The following ERO1B variants were observed in gnomAD, a reference collection of about 807,000 sequenced individuals.
The protein encoded by ERO1B is endoplasmic reticulum oxidoreductase 1 beta.
A neutral mutation model predicts 75.3 loss-of-function variants in ERO1B; 49 were observed. That is an observed-to-expected ratio of 0.65 (90% CI 0.52 to 0.83). ERO1B has a LOEUF of 0.83. Ranked by LOEUF, ERO1B falls within the 40% of genes least tolerant of loss-of-function variation. The pLI, the probability that ERO1B is intolerant of heterozygous loss-of-function variation, is 0.00. For synonymous variants in ERO1B, 191 were observed against 192.9 expected (o/e 0.99, Z 0.08); for missense variants, 512 against 560.1 (o/e 0.91, Z 0.87).
intron 5 of ERO1B, among the ~76,000 whole-genome samples, chr1:236,248,623 T>G (rs974292310): frequency 6.6e-6 from 1 of 151,980 alleles, no homozygotes; most frequent in Admixed American, 6.6e-5. Flanking sequence ...AAATGTACAA[T>G]GAAAAATGTA....
chr1:236,262,471 C>T (rs1665314422), intron 2 of ERO1B, among the ~76,000 whole-genome samples: 1 of 152,156 alleles, frequency 6.6e-6, no homozygotes, highest in Non-Finnish European at 1.5e-5. Context: ...GATGCAACCT[C>T]AGTTCACCAC....
At position 236,226,257 on chromosome 1, in the gene ERO1B, G is replaced by C. The variant is rs781305200; in HGVS notation, c.1052+12C>G. On this transcript the variant is annotated intron_variant, in intron 12 of 15. Coordinates refer to ENST00000354619, the MANE Select transcript of ERO1B (RefSeq NM_019891.4). Reference sequence around the variant, plus strand: ...AGAGGAGAATTTCAAATCACGGATAGTCAATTCTTACTTTGTATCTTGAAA... The same window carrying C: ...AGAGGAGAATTTCAAATCACGGATACTCAATTCTTACTTTGTATCTTGAAA... 1 of 1,611,884 alleles carries C rather than the reference G, an allele frequency of 6.2e-7. No individual in the cohort carries two copies. Among genetic ancestry groups the C allele is most frequent in the Admixed American group, 1.7e-5 (1 of 59,680 alleles).
At position 236,217,075 on chromosome 1, in the gene ERO1B, G is replaced by A. The variant is rs1287374975; in HGVS notation, c.*1441C>T. On this transcript the variant is annotated 3_prime_UTR_variant, in exon 16 of 16. Coordinates refer to ENST00000354619, the MANE Select transcript of ERO1B (RefSeq NM_019891.4). ...AGAGATGGCTAAGTATTTTTAAGAGGGGTGAGCCAAGCCAACTAAATACAA... is the reference window on the plus strand; with the variant it reads ...AGAGATGGCTAAGTATTTTTAAGAGAGGTGAGCCAAGCCAACTAAATACAA... 6.6e-6 allele frequency: 1 copy of A among 151,512 alleles called. No individual in the cohort carries two copies. The highest frequency in any genetic ancestry group is 1.5e-5 in the Non-Finnish European group (1 of 67,764). The allele number at this position is 151,512 out of a possible 1,614,324, so 9.4% of individuals were successfully genotyped here. A position where few individuals can be genotyped will look rare whatever the true frequency, so the allele number is the denominator to read the frequency against.
rs753484165 is a variant in ERO1B, at chr1:236,225,092, T to C, written c.1100A>G (p.Lys367Arg). The change falls in exon 13 of 16, where the codon AAA becomes AGA. Residue 367 changes from lysine (K) to arginine (R), a missense_variant. Physicochemically the swap from Lys to Arg is conservative, Grantham distance 26 (BLOSUM62 2). Coordinates refer to ENST00000354619, the MANE Select transcript of ERO1B (RefSeq NM_019891.4). ...TACCTTTAGTGACTTGGCCCCTTTT[T>C]TGTCACCTGCAAACATGGATTTCTC... is the stretch of plus-strand genomic sequence containing the variant. ...FDEKSMFAGDKKGAKSLKEEF... is the reference protein window; with the variant it reads ...FDEKSMFAGDRKGAKSLKEEF... 1.2e-6 allele frequency: 2 copies of C among 1,613,890 alleles called. No individual in the cohort carries two copies. The highest frequency in any genetic ancestry group is 1.7e-6 in the Non-Finnish European group (2 of 1,179,808).
chr1:236,221,806 T>C, intron 14 of ERO1B, 118 bp downstream of exon 14: 1 of 733,666 alleles, frequency 1.4e-6, no homozygotes, highest in Non-Finnish European at 2.3e-6. Flanking sequence ...ACACCTTGGA[T>C]CTGCCTATTC....
At chr1:236,256,857 A>G (rs532801510) in intron 2 of ERO1B, among the ~76,000 whole-genome samples, 1 of 152,336 alleles carries the variant, frequency 6.6e-6, no homozygotes, top group South Asian at 2.1e-4. Context: ...TAGACCACAG[A>G]GAACAAACAG....
rs1321783747 is a variant in ERO1B at position 236,236,381 on chromosome 1, C to T, written c.523G>A (p.Ala175Thr). ...TTCAGCAATAGGTCTACATACTGAG[C>T]AGCTGGAGATCTCTCATCTGAACAA... is the stretch of plus-strand genomic sequence containing the variant. ...CELDDERSPA[A>T]QYVDLLLNPE... The change falls in exon 7 of 16, where the codon GCT becomes ACT. Residue 175 changes from alanine to threonine, a missense_variant. Physicochemically the swap from Ala to Thr is moderately conservative, Grantham distance 58. Transcript: ENST00000354619. 1.2e-6 allele frequency: 2 copies of T among 1,613,662 alleles called. No homozygotes were observed. Among genetic ancestry groups the T allele is most frequent in the Non-Finnish European group, 1.7e-6 (2 of 1,179,802 alleles).
chr1:236,266,012 C>G (rs911534047), intron 2 of ERO1B, among the ~76,000 whole-genome samples: 3 of 152,200 alleles, frequency 2.0e-5, no homozygotes, highest in African/African-American at 7.2e-5. Context: ...TATTCATTCT[C>G]TCCTACTTTA....
Position 236,217,589 on chromosome 1 carries a change from A to T in ERO1B, c.*927T>A, listed in dbSNP as rs571439162. 6.5e-6 allele frequency: 1 copy of T among 152,750 alleles called. No individual in the cohort carries two copies. Among genetic ancestry groups the T allele is most frequent in the African/African-American group, 2.4e-5 (1 of 41,598 alleles). The allele number at this position is 152,750 out of a possible 1,614,324, so 9.5% of individuals were successfully genotyped here. A position where few individuals can be genotyped will look rare whatever the true frequency, so the allele number is the denominator to read the frequency against. On this transcript the variant is annotated 3_prime_UTR_variant, in exon 16 of 16. Coordinates refer to ENST00000354619, the MANE Select transcript of ERO1B (RefSeq NM_019891.4). ...TAAGTGAAAATAGCAAATTTTGTGTATATAATATTTTCAATTGGCATTATA... is the reference window on the plus strand; with the variant it reads ...TAAGTGAAAATAGCAAATTTTGTGTTTATAATATTTTCAATTGGCATTATA...
In ERO1B at chr1:236,220,873, G is replaced by A. The variant is rs767594273; in HGVS notation, c.1302C>T (p.Leu434=). Reference sequence around the variant, plus strand: ...AAAGAGCAACTATTTCCTGTCGGGTGAGTTGGAAGCCTTTAGATGGACTAT... The same window carrying A: ...AAAGAGCAACTATTTCCTGTCGGGTAAGTTGGAAGCCTTTAGATGGACTAT... ...PENSPSKGFQ[L]TRQEIVALLN... The change falls in exon 15 of 16, where the codon CTC becomes CTT. Residue 434 remains leucine, a synonymous_variant. Coordinates refer to ENST00000354619, the MANE Select transcript of ERO1B (RefSeq NM_019891.4). The A allele has an allele frequency of 4.4e-6, 7 of 1,594,902 alleles. No homozygotes were observed. The highest frequency in any genetic ancestry group is 6.0e-6 in the Non-Finnish European group (7 of 1,171,436).
At chr1:236,280,243 A>G (rs774372374) in intron 1 of ERO1B, among the ~76,000 whole-genome samples, 10 of 152,260 alleles carry the variant, frequency 6.6e-5, no homozygotes, top group Admixed American at 1.3e-4. Flanking sequence ...GTGCTATATA[A>G]AAAGAGAAAA....
At position 236,221,444 on chromosome 1, in the gene ERO1B, G is replaced by A. The variant is rs553002801; in HGVS notation, c.1210-479C>T. On this transcript the variant is annotated intron_variant, in intron 14 of 15. Transcript: ENST00000354619. ...TATAAGTTACCATCTTTGTTAGAAA[G>A]AGATAAAATATTCAACAATCCTTTT... Among the ~76,000 whole-genome samples, 112 of 152,260 alleles carry A rather than the reference G, an allele frequency of 7.4e-4. 1 individual carries two copies. Among genetic ancestry groups the A allele is most frequent in the Non-Finnish European group, 1.3e-3 (85 of 67,994 alleles).
intron 9 of ERO1B, among the ~76,000 whole-genome samples, chr1:236,232,212 T>G (rs750104374): frequency 1.3e-5 from 2 of 152,216 alleles, no homozygotes; most frequent in Non-Finnish European, 2.9e-5. Context: ...TACCATTGTT[T>G]ATGTACAGTG....
chr1:236,225,925 C>G (rs541816333), intron 12 of ERO1B, among the ~76,000 whole-genome samples: 1 of 152,012 alleles, frequency 6.6e-6, no homozygotes, highest in Non-Finnish European at 1.5e-5. Flanking sequence ...ACAGAGCAAG[C>G]CTCTGTCTCA....
chr1:236,233,006 G>A lies in ERO1B; in HGVS notation c.674-167C>T, dbSNP rs1572036859. Reference sequence around the variant, plus strand: ...CCTCTTAATCAGAATACAGGTCAAAGAGTATAAGATTTGCACATTTTGGCC... The same window carrying A: ...CCTCTTAATCAGAATACAGGTCAAAAAGTATAAGATTTGCACATTTTGGCC... On this transcript the variant is annotated intron_variant, in intron 8 of 15. Coordinates refer to ENST00000354619, the MANE Select transcript of ERO1B (RefSeq NM_019891.4). 2.0e-5 allele frequency among the ~76,000 whole-genome samples: 3 copies of A among 152,192 alleles called. No individual in the cohort carries two copies. The East Asian group carries it at 5.8e-4, about 29-fold the overall frequency.
intron 1 of ERO1B, 65 bp from the exon 2 acceptor site, chr1:236,270,059 T>C (rs1276044084): frequency 3.5e-6 from 4 of 1,141,144 alleles, no homozygotes; most frequent in Non-Finnish European, 5.0e-6. Flanking sequence ...ATCTACACTA[T>C]TATATAAAAA....
intron 1 of ERO1B, among the ~76,000 whole-genome samples, chr1:236,271,617 A>G (rs746899667): frequency 3.9e-5 from 6 of 152,092 alleles, no homozygotes; most frequent in Non-Finnish European, 5.9e-5. Context: ...AATACAAACC[A>G]AAAAGCTCCC....
rs181501116 is a variant in ERO1B at position 236,264,014 on chromosome 1, C to A, written c.222+5861G>T. 1.7e-3 allele frequency among the ~76,000 whole-genome samples: 260 copies of A among 151,866 alleles called. 6 individuals carry two copies. In the East Asian group the frequency reaches 0.043, roughly 25 times the overall value. On this transcript the variant is annotated intron_variant, in intron 2 of 15. Transcript: ENST00000354619. ...ATGAAGATATTGACTTTTTGTATAT[C>A]AAGTTTATGGCTTGCTATATTAACA...
intron 1 of ERO1B, among the ~76,000 whole-genome samples, chr1:236,279,504 C>CCAAAAAAAAAAAA (rs1665776775): frequency 1.3e-5 from 1 of 78,540 alleles, no homozygotes; most frequent in Non-Finnish European, 2.4e-5. Context: ...GACTCCATCT[C>CCAAAAAAAAAAAA]AAAAAAAAAA....
Sources: allele counts gnomAD v4.1 joint callset (sites outside exome capture counted in the v4.1 genomes callset), GRCh38; gene constraint gnomAD v4.1.1; transcripts MANE v1.5; gene names NCBI Gene and HGNC (gene_info 2026-07-23, HGNC 2026-07-21).